Variants in VCL observed in about 807,000 individuals in gnomAD.
The protein encoded by VCL is vinculin, also known as epididymis luminal protein 114.
VCL carries 47 observed loss-of-function variants against 125.7 expected under a neutral mutation model. The observed-to-expected ratio is 0.37, with a 90% CI of 0.30 to 0.48. The LOEUF (loss-of-function observed/expected upper bound fraction) is 0.48. VCL is among the 20% of genes least tolerant of loss of function. The pLI, the probability that VCL is intolerant of heterozygous loss-of-function variation, is 0.99. For missense variants in VCL, 1,069 were observed against 1,455.5 expected, an observed-to-expected ratio of 0.73 and a Z score of 4.32; for synonymous variants, 458 against 514.6, an observed-to-expected ratio of 0.89 and a Z score of 1.49.
At chr10:74,076,577 G>C (rs184281211) in intron 6 of VCL, 4 of 152,754 alleles carry the variant, frequency 2.6e-5, no homozygotes, top group Non-Finnish European at 2.9e-5. Flanking sequence ...TTTTGCTTTT[G>C]GAGATGCATC....
At chr10:74,087,041 G>T (rs534664030) in intron 8 of VCL, among the ~76,000 whole-genome samples, 34 of 152,028 alleles carry the variant, frequency 2.2e-4, no homozygotes, top group African/African-American at 7.5e-4. Flanking sequence ...TAAATTTCCA[G>T]CCTCAGAGAA....
At chr10:74,113,956 T>C (rs1425231607) in intron 19 of VCL, among the ~76,000 whole-genome samples, 1 of 152,112 alleles carries the variant, frequency 6.6e-6, no homozygotes, top group African/African-American at 2.4e-5. Flanking sequence ...TCCTCTCTCC[T>C]CTCTCTTTGT....
At chr10:74,060,855 A>T (rs974482330) in intron 2 of VCL, among the ~76,000 whole-genome samples, 7 of 151,994 alleles carry the variant, frequency 4.6e-5, no homozygotes, top group African/African-American at 1.7e-4. Flanking sequence ...CTTCTCCTAA[A>T]TTGTCTCAAA....
At chr10:74,072,675 C>T in intron 4 of VCL, 55 bp from the exon 5 acceptor site, 1 of 1,613,094 alleles carries the variant, frequency 6.2e-7, no homozygotes, top group South Asian at 1.1e-5. Context: ...CTGAGAAAGC[C>T]AGACCCGGGA....
At chr10:74,089,167 C>A (rs1194118817) in intron 8 of VCL, 29 bp from the exon 9 acceptor site, 19 of 1,613,644 alleles carry the variant, frequency 1.2e-5, no homozygotes, top group Non-Finnish European at 1.6e-5. Flanking sequence ...TGAGGGTGTA[C>A]AATGACAGCA....
rs1840177090 is a variant in VCL, at chr10:74,108,862, TG to T, written c.2560-107del. On this transcript the variant is annotated intron_variant, in intron 17 of 21. Transcript: ENST00000211998. ...GTGGCTCAGTGTGGGTGGTCTTATG[TG>T]GAGTCAATATGGGTGGGTTTTCTAG... is the stretch of plus-strand genomic sequence containing the variant. 4.1e-6 allele frequency: 5 copies of T among 1,225,938 alleles called. No individual in the cohort carries two copies. The South Asian group carries it at 4.9e-5, about 12-fold the overall frequency. 75.9% of individuals were successfully genotyped at this position (1,225,938 alleles called of 1,614,324 possible).
chr10:74,069,789 C>A (rs1426524454), intron 2 of VCL, among the ~76,000 whole-genome samples: 1 of 152,084 alleles, frequency 6.6e-6, no homozygotes, highest in Non-Finnish European at 1.5e-5. Flanking sequence ...TGAATGAATA[C>A]ATTTTATTAG....
At chr10:74,038,466 T>G (rs1488604312) in intron 1 of VCL, among the ~76,000 whole-genome samples, 1 of 152,244 alleles carries the variant, frequency 6.6e-6, no homozygotes, top group African/African-American at 2.4e-5. Flanking sequence ...TAGTCATGTT[T>G]TATGTGTTGT....
rs927782177 is a variant in VCL, at chr10:74,119,479, A to G, written c.*1310A>G. On this transcript the variant is annotated 3_prime_UTR_variant, in exon 22 of 22. Coordinates refer to ENST00000211998, the MANE Select transcript of VCL (RefSeq NM_014000.3). ...CATCTACTCCCAAGTATGGGGTTCA[A>G]GAGAGTAATGGGTTTCATATTTCTT... 1 of 152,196 alleles carries G rather than the reference A, an allele frequency of 6.6e-6. No individual in the cohort carries two copies. The highest frequency in any genetic ancestry group is 1.5e-5 in the Non-Finnish European group (1 of 68,044). The allele number at this position is 152,196 out of a possible 1,614,324, so 9.4% of individuals were successfully genotyped here. A position where few individuals can be genotyped will look rare whatever the true frequency, so the allele number is the denominator to read the frequency against.
At chr10:74,072,603 CTGT>C (rs1200067161) in intron 4 of VCL, 124 bp from the exon 5 acceptor site, 6 of 1,340,712 alleles carry the variant, frequency 4.5e-6, no homozygotes, top group Non-Finnish European at 2.1e-6. Context: ...GTGATGGTGT[CTGT>C]TGTTTAAATA....
At chr10:74,030,881 C>T (rs1840862144) in intron 1 of VCL, among the ~76,000 whole-genome samples, 1 of 152,222 alleles carries the variant, frequency 6.6e-6, no homozygotes, top group African/African-American at 2.4e-5. Context: ...TCTGATTTTT[C>T]ACACAAAAAA....
intron 10 of VCL, among the ~76,000 whole-genome samples, chr10:74,093,675 T>C (rs902646611): frequency 6.6e-6 from 1 of 151,904 alleles, no homozygotes; most frequent in African/African-American, 2.4e-5. Flanking sequence ...GGTGCATACC[T>C]ATAGTCCCAG....
chr10:74,005,499 AC>A (rs1406337119), intron 1 of VCL, among the ~76,000 whole-genome samples: 1 of 152,020 alleles, frequency 6.6e-6, no homozygotes, highest in Non-Finnish European at 1.5e-5. Context: ...CATGTGATCC[AC>A]CCGCCTTGGC....
intron 9 of VCL, among the ~76,000 whole-genome samples, chr10:74,089,590 G>T (rs1839844431): frequency 6.6e-6 from 1 of 152,140 alleles, no homozygotes; most frequent in Non-Finnish European, 1.5e-5. Flanking sequence ...TTAGGTAAAA[G>T]TAAGCTCTCA....
At chr10:74,035,803 G>A (rs11814533) in intron 1 of VCL, among the ~76,000 whole-genome samples, 28,446 of 152,134 alleles carry the variant, frequency 0.19, 2,785 homozygotes, top group East Asian at 0.22. Flanking sequence ...AGCCAACTGC[G>A]GATTGAAAAT....
rs541094220 is a variant in VCL at position 74,100,178 on chromosome 10, G to C, written c.1873-770G>C. Reference sequence around the variant, plus strand: ...AAAGCTTATCTTCTAGTTTGAAGAAGATAAGCTTTTGCAAGAATCTATTCT... The same window carrying C: ...AAAGCTTATCTTCTAGTTTGAAGAACATAAGCTTTTGCAAGAATCTATTCT... On this transcript the variant is annotated intron_variant, in intron 13 of 21. Transcript: ENST00000211998. 2.0e-5 allele frequency among the ~76,000 whole-genome samples: 3 copies of C among 152,292 alleles called. No homozygotes were observed. The South Asian group carries it at 6.2e-4, about 32-fold the overall frequency.
intron 2 of VCL, among the ~76,000 whole-genome samples, chr10:74,068,358 T>C (rs1841607946): frequency 6.6e-6 from 1 of 152,180 alleles, no homozygotes; most frequent in African/African-American, 2.4e-5. Context: ...GGAGTCTTGC[T>C]CTGTTGCCCA....
intron 1 of VCL, among the ~76,000 whole-genome samples, chr10:74,006,809 T>G (rs1198754282): frequency 1.3e-5 from 2 of 152,218 alleles, no homozygotes; most frequent in African/African-American, 4.8e-5. Context: ...GCTCATGATA[T>G]ATATGCAAAA....
chr10:73,998,710 G>A (rs1001702894), intron 1 of VCL, among the ~76,000 whole-genome samples: 7 of 152,242 alleles, frequency 4.6e-5, no homozygotes, highest in African/African-American at 1.7e-4. Flanking sequence ...AGAGTTGCTG[G>A]GATGTCCGAG....
Sources: gnomAD v4.1 joint callset for allele counts (sites outside exome capture counted in the v4.1 genomes callset) on GRCh38, gnomAD v4.1.1 for gene constraint, MANE v1.5 for transcripts, NCBI Gene and HGNC (gene_info 2026-07-23, HGNC 2026-07-21) for gene names.